The following CWH43 variants were observed in gnomAD, a reference collection of about 807,000 sequenced individuals.
The protein encoded by CWH43 is PGAP2-interacting protein.
A neutral mutation model predicts 85.7 loss-of-function variants in CWH43; 91 were observed. The ratio of observed to expected loss-of-function variants is 1.06; its 90% CI spans 0.90 to 1.26. The LOEUF (loss-of-function observed/expected upper bound fraction) is 1.26. CWH43 is among the 50% of genes most tolerant of loss of function. The probability of loss-of-function intolerance (pLI) is 0.00; values close to 1 mark genes in which losing one functional copy is unlikely to be tolerated. For synonymous variants in CWH43, 323 were observed against 293.6 expected (o/e 1.10, Z -1.02); for missense variants, 869 against 839.2 (o/e 1.04, Z -0.44).
chr4:48,991,654 G>A (rs1782663259), intron 3 of CWH43, 80 bp downstream of exon 3: 2 of 1,525,168 alleles, frequency 1.3e-6, no homozygotes, highest in Non-Finnish European at 1.8e-6. Flanking sequence ...AGGAGTTCCA[G>A]GTTATAGTTT....
At chr4:49,026,241 C>T (rs769489167) in intron 9 of CWH43, among the ~76,000 whole-genome samples, 91 of 152,156 alleles carry the variant, frequency 6.0e-4, no homozygotes, top group Admixed American at 4.8e-3. Context: ...CCCAGGCAGC[C>T]GGTGAGCAGG....
chr4:49,021,180 G>A (rs1393542487), intron 9 of CWH43, among the ~76,000 whole-genome samples: 1 of 152,100 alleles, frequency 6.6e-6, no homozygotes, highest in Non-Finnish European at 1.5e-5. Flanking sequence ...AATTTTTATG[G>A]TTTCAGGTGT....
chr4:48,993,471 G>A (rs1253340690), intron 4 of CWH43, among the ~76,000 whole-genome samples: 1 of 152,086 alleles, frequency 6.6e-6, no homozygotes, highest in East Asian at 1.9e-4. Context: ...AAATTAGACT[G>A]CCAGCCATAC....
chr4:49,039,951 T>C (rs1784405394), intron 13 of CWH43, among the ~76,000 whole-genome samples: 1 of 152,038 alleles, frequency 6.6e-6, no homozygotes. Context: ...TGTGTCCATG[T>C]GTTCTCATTG....
intron 9 of CWH43, among the ~76,000 whole-genome samples, chr4:49,025,510 A>G (rs1783882504): frequency 6.6e-6 from 1 of 152,164 alleles, no homozygotes; most frequent in Non-Finnish European, 1.5e-5. Flanking sequence ...CTGGGACTCA[A>G]GTGCTGCTCT....
chr4:49,021,305 T>G (rs1433647300), intron 9 of CWH43, among the ~76,000 whole-genome samples: 1 of 152,172 alleles, frequency 6.6e-6, no homozygotes, highest in Non-Finnish European at 1.5e-5. Context: ...ATTTGTTGAA[T>G]AGAATGTCCT....
intron 15 of CWH43, among the ~76,000 whole-genome samples, chr4:49,057,862 G>T (rs1785015634): frequency 6.6e-6 from 1 of 152,030 alleles, no homozygotes. Context: ...TTAGTATAAT[G>T]ACCTTCTTTG....
In CWH43 at chr4:48,994,551, C is replaced by T. The variant is rs892936140; in HGVS notation, c.512-68C>T. On this transcript the variant is annotated intron_variant, in intron 4 of 15. Coordinates refer to ENST00000226432, the MANE Select transcript of CWH43 (RefSeq NM_025087.3). ...ATACCATTTCTTCCTTGCTAAAAGT[C>T]TGCTAAATATAGAGCGCAAATTTCC... 1.4e-5 allele frequency: 18 copies of T among 1,322,132 alleles called. No individual in the cohort carries two copies. In the African/African-American group the frequency reaches 2.7e-4, roughly 20 times the overall value. The allele number at this position is 1,322,132 out of a possible 1,614,324, so 81.9% of individuals were successfully genotyped here. A position where few individuals can be genotyped will look rare whatever the true frequency, so the allele number is the denominator to read the frequency against.
intron 10 of CWH43, 46 bp from the exon 11 acceptor site, chr4:49,030,779 C>A: frequency 8.1e-6 from 12 of 1,486,288 alleles, no homozygotes; most frequent in Non-Finnish European, 1.1e-5. Context: ...TGTTTTTTGC[C>A]TTGCTGTGAT....
At chr4:49,060,521 G>T (rs1312750967) in intron 15 of CWH43, among the ~76,000 whole-genome samples, 1 of 152,124 alleles carries the variant, frequency 6.6e-6, no homozygotes, top group Non-Finnish European at 1.5e-5. Context: ...CCTGGACCTG[G>T]TGCTGGAGTC....
In CWH43 at chr4:49,032,863, G is replaced by A. The variant is rs1313199151; in HGVS notation, c.1658+148G>A. On this transcript the variant is annotated intron_variant, in intron 12 of 15. Transcript: ENST00000226432. The stretch of plus-strand genomic sequence containing the variant: ...CCTGCGTTGCTGGTTTTAAAAATCA[G>A]ACAGAAGCATTTAAGATGCAGGCAG... 82 of 1,036,294 alleles carry A rather than the reference G, an allele frequency of 7.9e-5. 5 individuals carry two copies. The South Asian group carries it at 1.3e-3, about 16-fold the overall frequency. The allele number at this position is 1,036,294 out of a possible 1,614,324, so 64.2% of individuals were successfully genotyped here.
intron 8 of CWH43, among the ~76,000 whole-genome samples, chr4:49,012,211 A>G (rs1182369857): frequency 6.6e-6 from 1 of 152,064 alleles, no homozygotes; most frequent in Non-Finnish European, 1.5e-5. Context: ...TTCTGACTTT[A>G]TTTCATTAAT....
At chr4:49,035,159 A>G (rs916864981) in intron 12 of CWH43, among the ~76,000 whole-genome samples, 1 of 152,246 alleles carries the variant, frequency 6.6e-6, no homozygotes, top group African/African-American at 2.4e-5. Flanking sequence ...TTTCTACAGT[A>G]CTAGATACAC....
chr4:49,050,827 G>A lies in CWH43; in HGVS notation c.1999G>A (p.Glu667Lys). 1 of 1,612,488 alleles carries A rather than the reference G, an allele frequency of 6.2e-7. No individual in the cohort carries two copies. Residue 667 changes from glutamate to lysine, a missense_variant, in exon 15 of 16, where the codon GAG becomes AAG. Glu to Lys is a moderately conservative substitution (Grantham distance 56). Coordinates refer to ENST00000226432, the MANE Select transcript of CWH43 (RefSeq NM_025087.3). Reference sequence around the variant, plus strand: ...GGTCATAGACCACAGAGAAGTTTCTGAGAAAATTCATTTTAATCCCAGGTG... The same window carrying A: ...GGTCATAGACCACAGAGAAGTTTCTAAGAAAATTCATTTTAATCCCAGGTG... ...KVVIDHREVS[E>K]KIHFNPRFGS...
At chr4:49,030,754 TAA>T in intron 10 of CWH43, 69 bp from the exon 11 acceptor site, 3 of 1,413,656 alleles carry the variant, frequency 2.1e-6, no homozygotes, top group Non-Finnish European at 2.8e-6. Context: ...GGGTCAAGAG[TAA>T]AGTGTTGCTA....
At chr4:49,040,560 C>T (rs1241649131) in intron 13 of CWH43, among the ~76,000 whole-genome samples, 1 of 152,144 alleles carries the variant, frequency 6.6e-6, no homozygotes, top group African/African-American at 2.4e-5. Flanking sequence ...AGTGTCTGTT[C>T]ATATCCTTGG....
At chr4:49,011,614 A>C (rs1436648024) in intron 8 of CWH43, among the ~76,000 whole-genome samples, 4 of 151,714 alleles carry the variant, frequency 2.6e-5, no homozygotes, top group Admixed American at 1.3e-4. Flanking sequence ...GTGTTTTTGC[A>C]GGTACCGGTT....
intron 1 of CWH43, among the ~76,000 whole-genome samples, chr4:48,987,331 A>C (rs1425363571): frequency 3.3e-5 from 5 of 152,050 alleles, no homozygotes; most frequent in Admixed American, 3.3e-4. Flanking sequence ...GATCTCATTT[A>C]ATCCTCCCAA....
At chr4:48,993,269 T>G (rs35457350) in intron 4 of CWH43, among the ~76,000 whole-genome samples, 21,089 of 152,176 alleles carry the variant, frequency 0.14, 1,896 homozygotes, top group Middle Eastern at 0.24. Flanking sequence ...AGTCACCCAC[T>G]GTAATACACT....
Sources: allele counts gnomAD v4.1 joint callset (sites outside exome capture counted in the v4.1 genomes callset), GRCh38; gene constraint gnomAD v4.1.1; transcripts MANE v1.5; gene names NCBI Gene and HGNC (gene_info 2026-07-23, HGNC 2026-07-21).